CCDC27: variants seen among roughly 807,000 people sequenced by gnomAD.
CCDC27 encodes coiled-coil domain-containing protein 27.
A neutral mutation model predicts 80.3 loss-of-function variants in CCDC27; 80 were observed. That is an observed-to-expected ratio of 1.00 (90% confidence interval 0.83 to 1.20). CCDC27 has a LOEUF of 1.20. Among genes scored for constraint, CCDC27 ranks in the 50% most tolerant of loss-of-function variants. The pLI is 0.00. For synonymous variants in CCDC27, 342 were observed against 334.3 expected (o/e 1.02, Z -0.25); for missense variants, 815 against 809.4 (o/e 1.01, Z -0.08).
At chr1:3,762,871 C>A (rs888923349) in intron 6 of CCDC27, 159 bp downstream of exon 6, 2 of 813,296 alleles carry the variant, frequency 2.5e-6, no homozygotes, top group Non-Finnish European at 3.8e-6. Flanking sequence ...GGGTCGTTAG[C>A]CCCCTTGAAG....
At chr1:3,765,049 A>C (rs937656250) in intron 8 of CCDC27, among the ~76,000 whole-genome samples, 1 of 152,134 alleles carries the variant, frequency 6.6e-6, no homozygotes, top group Non-Finnish European at 1.5e-5. Context: ...AAAAAAAAAA[A>C]AAACGATGAA....
In CCDC27 at chr1:3,761,018, C is replaced by T. The variant is rs886884644; in HGVS notation, c.712-263C>T. ...GGAAGCTGCCTTGCAACTCCTCGGA[C>T]GAGGATTTAGGATCTGTTCTTAGGA... On this transcript the variant is annotated intron_variant, in intron 4 of 11. Coordinates refer to ENST00000294600, the MANE Select transcript of CCDC27 (RefSeq NM_152492.3). This position sits in a 1 kb window ranked among gnomAD's most constrained non-coding sequence, Gnocchi z 5.0. 5.9e-5 allele frequency among the ~76,000 whole-genome samples: 9 copies of T among 152,132 alleles called. No homozygotes were observed. The highest frequency in any genetic ancestry group is 2.0e-4 in the Admixed American group (3 of 15,274).
chr1:3,758,917 A>C (rs954243536), intron 4 of CCDC27, among the ~76,000 whole-genome samples: 1 of 152,084 alleles, frequency 6.6e-6, no homozygotes, highest in African/African-American at 2.4e-5. Context: ...CAGTTTTAAA[A>C]ATCACAAATT....
At chr1:3,757,547 T>C (rs969067680) in intron 4 of CCDC27, among the ~76,000 whole-genome samples, 8 of 151,744 alleles carry the variant, frequency 5.3e-5, no homozygotes, top group Admixed American at 3.9e-4. Flanking sequence ...GCTCAAGCAA[T>C]CCTCCCACTT....
At chr1:3,762,815 G>A in intron 6 of CCDC27, 103 bp downstream of exon 6, 1 of 1,148,944 alleles carries the variant, frequency 8.7e-7, no homozygotes, top group Non-Finnish European at 1.2e-6. Context: ...CCCTGCTGCA[G>A]CCCTGACCTG....
intron 8 of CCDC27, among the ~76,000 whole-genome samples, chr1:3,765,870 CT>C (rs57502840): frequency 0.27 from 39,218 of 143,956 alleles, 5,531 homozygotes; most frequent in Middle Eastern, 0.34. Context: ...TTCTTTTCTC[CT>C]TTTTTTTTTT....
chr1:3,768,569 T>C lies in CCDC27; in HGVS notation c.1743+1124T>C, dbSNP rs1435077816. Reference sequence around the variant, plus strand: ...TGAGGCACCCACCCCTGGTATCCCTTGATAAAACAGTTTGGGATCCAGCCG... The same window carrying C: ...TGAGGCACCCACCCCTGGTATCCCTCGATAAAACAGTTTGGGATCCAGCCG... On this transcript the variant is annotated intron_variant, in intron 10 of 11. Coordinates refer to ENST00000294600, the MANE Select transcript of CCDC27 (RefSeq NM_152492.3). This position sits in a 1 kb window ranked among gnomAD's most constrained non-coding sequence, Gnocchi z 5.6. Among the ~76,000 whole-genome samples, 1 of 152,088 alleles carries C rather than the reference T, an allele frequency of 6.6e-6. No individual in the cohort carries two copies. Among genetic ancestry groups the C allele is most frequent in the Admixed American group, 6.5e-5 (1 of 15,274 alleles).
chr1:3,755,556 C>G lies in CCDC27; in HGVS notation c.542C>G (p.Thr181Arg), dbSNP rs139363014. The change falls in exon 3 of 12, where the codon ACG becomes AGG. Residue 181 changes from threonine (T) to arginine (R), a missense_variant. Thr to Arg is a moderately conservative substitution (Grantham distance 71). Coordinates refer to ENST00000294600, the MANE Select transcript of CCDC27 (RefSeq NM_152492.3). ...DLFLARRGSD[T>R]NVDGYLLPFS... ...TTCTTGGCCAGGCGGGGCTCAGACA[C>G]GAACGTGGACGGTGAGGGAGCCCCT... 7 of 1,613,552 alleles carry G rather than the reference C, an allele frequency of 4.3e-6. No individual in the cohort carries two copies. Among genetic ancestry groups the G allele is most frequent in the African/African-American group, 1.3e-5 (1 of 74,928 alleles).
At chr1:3,767,114 CA>C in intron 9 of CCDC27, 118 bp from the exon 10 acceptor site, 1 of 830,150 alleles carries the variant, frequency 1.2e-6, no homozygotes, top group Non-Finnish European at 2.0e-6. Context: ...GCTGGGATTA[CA>C]GGCGTGAGCC....
chr1:3,761,662 G>C lies in CCDC27; in HGVS notation c.861+232G>C, dbSNP rs1255675291. On this transcript the variant is annotated intron_variant, in intron 5 of 11. Coordinates refer to ENST00000294600, the MANE Select transcript of CCDC27 (RefSeq NM_152492.3). The surrounding 1 kb of genome is among the most constrained non-coding windows in gnomAD (Gnocchi z 5.0). Reference sequence around the variant, plus strand: ...CCATGAGCTGATGCAACAGGGGGGGGAGAGATGAATGGAGGCGCAAAATGA... The same window carrying C: ...CCATGAGCTGATGCAACAGGGGGGGCAGAGATGAATGGAGGCGCAAAATGA... 6.6e-6 allele frequency among the ~76,000 whole-genome samples: 1 copy of C among 151,310 alleles called. No homozygotes were observed.
At chr1:3,756,500 C>T in intron 3 of CCDC27, 1 of 454,570 alleles carries the variant, frequency 2.2e-6, no homozygotes, top group Non-Finnish European at 4.0e-6. Flanking sequence ...CACCTTCCTG[C>T]ACTCCCTCAG....
At chr1:3,767,651 G>A (rs527747057) in intron 10 of CCDC27, among the ~76,000 whole-genome samples, 3 of 152,228 alleles carry the variant, frequency 2.0e-5, no homozygotes, top group East Asian at 3.9e-4. Context: ...AGAGTAGCCC[G>A]GAAATGTTCG....
At position 3,771,473 on chromosome 1, in the gene CCDC27, C is replaced by G; in HGVS notation, c.1921C>G (p.Gln641Glu). ...QKGVKVPPLQ[Q>E]SEAFLTSKSK... The stretch of plus-strand genomic sequence containing the variant: ...AGGCGTCAAAGTGCCCCCCCTGCAA[C>G]AGTCAGAGGCCTTCCTGACCAGCAA... The change falls in exon 12 of 12, where the codon CAG (glutamine) becomes GAG (glutamate). Residue 641 changes from glutamine (Q) to glutamate (E), a missense_variant. Gln to Glu is a conservative substitution (Grantham distance 29). Transcript: ENST00000294600. 2 of 1,614,032 alleles carry G rather than the reference C, an allele frequency of 1.2e-6. No individual in the cohort carries two copies. Among genetic ancestry groups the G allele is most frequent in the Non-Finnish European group, 8.5e-7 (1 of 1,179,994 alleles).
In CCDC27 at chr1:3,766,247, T is replaced by C. The variant is rs115400901; in HGVS notation, c.1453-288T>C. Reference sequence around the variant, plus strand: ...TGTTTAGAAGAACCCAGACCAACAATGTCTGAGACTTTTAGGAACTCAAGT... The same window carrying C: ...TGTTTAGAAGAACCCAGACCAACAACGTCTGAGACTTTTAGGAACTCAAGT... On this transcript the variant is annotated intron_variant, in intron 8 of 11. Transcript: ENST00000294600. This position sits in a 1 kb window ranked among gnomAD's most constrained non-coding sequence, Gnocchi z 6.1. 3.9e-5 allele frequency among the ~76,000 whole-genome samples: 6 copies of C among 152,308 alleles called. No individual in the cohort carries two copies. Among genetic ancestry groups the C allele is most frequent in the African/African-American group, 1.4e-4 (6 of 41,572 alleles).
Position 3,767,420 on chromosome 1 carries a change from T to C in CCDC27, c.1718T>C (p.Val573Ala). Reference sequence around the variant, plus strand: ...CAGCAGGCAGAGCAGCACACCCGCGTGGCCCTGGAGAGCTCCCAGTCCAGG... The same window carrying C: ...CAGCAGGCAGAGCAGCACACCCGCGCGGCCCTGGAGAGCTCCCAGTCCAGG... Reference protein sequence around the residue: ...MIQQAEQHTRVALESSQSRLE... With the variant: ...MIQQAEQHTRAALESSQSRLE... The change falls in exon 10 of 12, where the codon GTG (valine) becomes GCG (alanine). Residue 573 changes from valine (V) to alanine (A), a missense_variant. Transcript: ENST00000294600. 1 of 1,613,226 alleles carries C rather than the reference T, an allele frequency of 6.2e-7. No individual in the cohort carries two copies. Among genetic ancestry groups the C allele is most frequent in the Non-Finnish European group, 8.5e-7 (1 of 1,179,978 alleles).
At position 3,767,377 on chromosome 1, in the gene CCDC27, A is replaced by G. The variant is rs754414311; in HGVS notation, c.1675A>G (p.Ser559Gly). 5 of 1,613,890 alleles carry G rather than the reference A, an allele frequency of 3.1e-6. No individual in the cohort carries two copies. The South Asian group carries it at 3.3e-5, about 11-fold the overall frequency. ...RWKQLQEDLQ[S>G]KKEMIQQAEQ... ...GAAGCAGCTGCAGGAGGATTTGCAG[A>G]GCAAGAAGGAGATGATTCAGCAGGC... is the stretch of plus-strand genomic sequence containing the variant. Residue 559 changes from serine to glycine, a missense_variant, in exon 10 of 12, where the codon AGC (serine) becomes GGC (glycine). By Grantham distance (56) the Ser-to-Gly change is moderately conservative. Coordinates refer to ENST00000294600, the MANE Select transcript of CCDC27 (RefSeq NM_152492.3).
At chr1:3,765,724 G>A (rs1470019776) in intron 8 of CCDC27, among the ~76,000 whole-genome samples, 1 of 152,074 alleles carries the variant, frequency 6.6e-6, no homozygotes, top group African/African-American at 2.4e-5. Context: ...GTTTGCTTTT[G>A]GTGTCTGTCA....
rs561016317 is a variant in CCDC27 at position 3,762,956 on chromosome 1, G to A, written c.955-152G>A. 7 of 1,019,282 alleles carry A rather than the reference G, an allele frequency of 6.9e-6. No individual in the cohort carries two copies. In the South Asian group the frequency reaches 1.2e-4, roughly 18 times the overall value. 63.1% of individuals were successfully genotyped at this position (1,019,282 alleles called of 1,614,324 possible). A position where few individuals can be genotyped will look rare whatever the true frequency, so the allele number is the denominator to read the frequency against. On this transcript the variant is annotated intron_variant, in intron 6 of 11. Transcript: ENST00000294600. ...CCACAGTGCCTGGGCCACTGTTGGT[G>A]ACCTTGCCAGGCAGATGCTCTCCCA...
chr1:3,758,088 G>A (rs1417502579), intron 4 of CCDC27, among the ~76,000 whole-genome samples: 1 of 152,138 alleles, frequency 6.6e-6, no homozygotes, highest in East Asian at 1.9e-4. Context: ...GGAAGAGTTT[G>A]TATAAGACTG....
Sources: allele counts gnomAD v4.1 joint callset (sites outside exome capture counted in the v4.1 genomes callset), GRCh38; gene constraint gnomAD v4.1.1; non-coding constraint Gnocchi (gnomAD v3.1); transcripts MANE v1.5; gene names NCBI Gene and HGNC (gene_info 2026-07-23, HGNC 2026-07-21).